Variants in EEFSEC observed in about 807,000 individuals in gnomAD.
EEFSEC encodes the protein selenocysteine-specific elongation factor.
EEFSEC carries 43 observed loss-of-function variants against 42.1 expected under a neutral mutation model. That is an observed-to-expected ratio of 1.02 (90% CI 0.80 to 1.32). EEFSEC has a LOEUF of 1.32. Among genes scored for constraint, EEFSEC ranks in the 40% most tolerant of loss-of-function variants. The pLI, the probability that EEFSEC is intolerant of heterozygous loss-of-function variation, is 0.00. For missense variants in EEFSEC, 745 were observed against 803.6 expected, an observed-to-expected ratio of 0.93 and a Z score of 0.88; for synonymous variants, 354 against 339.1, an observed-to-expected ratio of 1.04 and a Z score of -0.48.
chr3:128,322,987 A>G (rs56328893), intron 4 of EEFSEC, among the ~76,000 whole-genome samples: 20,911 of 152,160 alleles, frequency 0.14, 1,631 homozygotes, highest in African/African-American at 0.21. Context: ...GCATTTTCCC[A>G]TTCAGAGTAT....
chr3:128,272,348 G>A (rs2066423229), intron 4 of EEFSEC, among the ~76,000 whole-genome samples: 1 of 152,176 alleles, frequency 6.6e-6, no homozygotes, highest in Non-Finnish European at 1.5e-5. Context: ...TAGGGGTTTG[G>A]GGAAAAGCTT....
chr3:128,345,096 G>A (rs922614509), intron 5 of EEFSEC, among the ~76,000 whole-genome samples: 4 of 152,214 alleles, frequency 2.6e-5, no homozygotes, highest in Non-Finnish European at 4.4e-5. Flanking sequence ...ACCTGCTAGT[G>A]TGAAAAGTTG....
chr3:128,193,372 C>T (rs929289630), intron 1 of EEFSEC, among the ~76,000 whole-genome samples: 2 of 152,204 alleles, frequency 1.3e-5, no homozygotes, highest in African/African-American at 2.4e-5. Flanking sequence ...GAGGGTGTTG[C>T]TCTCTGCAGA....
intron 6 of EEFSEC, among the ~76,000 whole-genome samples, chr3:128,392,042 T>C (rs2067919512): frequency 6.6e-6 from 1 of 152,212 alleles, no homozygotes; most frequent in Non-Finnish European, 1.5e-5. Context: ...TTTGCTCCTC[T>C]TCACCCAGTT....
the EEFSEC span, among the ~76,000 whole-genome samples, chr3:128,416,024 G>T: frequency 6.6e-6 from 1 of 152,224 alleles, no homozygotes; most frequent in Non-Finnish European, 1.5e-5. Context: ...GGGTCTGGGT[G>T]CCTGTGTGGA....
intron 4 of EEFSEC, among the ~76,000 whole-genome samples, chr3:128,323,064 A>G (rs1012249198): frequency 6.6e-5 from 10 of 152,190 alleles, no homozygotes; most frequent in Non-Finnish European, 1.2e-4. Flanking sequence ...AAGATATTTA[A>G]TATTGACACC....
At chr3:128,391,927 G>A (rs729847) in intron 6 of EEFSEC, among the ~76,000 whole-genome samples, 48,929 of 152,084 alleles carry the variant, frequency 0.32, 8,724 homozygotes, top group African/African-American at 0.46. Flanking sequence ...TGCCCTGTGG[G>A]GGCCATTGGA....
intron 2 of EEFSEC, among the ~76,000 whole-genome samples, chr3:128,247,539 G>C (rs181954675): frequency 2.0e-5 from 3 of 152,226 alleles, no homozygotes; most frequent in Admixed American, 2.0e-4. Context: ...TTCTGTTACA[G>C]AAGCTTGTAA....
At chr3:128,153,897 T>C in intron 1 of EEFSEC, 74 bp downstream of exon 1, 1 of 1,426,686 alleles carries the variant, frequency 7.0e-7, no homozygotes, top group Non-Finnish European at 9.1e-7. Flanking sequence ...CCGAATTCGC[T>C]CGAGCCTTTG....
chr3:128,319,898 ACGCTCAGTTCTGCCG>A (rs2066988592), intron 4 of EEFSEC, among the ~76,000 whole-genome samples: 1 of 152,326 alleles, frequency 6.6e-6, no homozygotes, highest in East Asian at 1.9e-4. Context: ...CTCTGCAGAC[ACGCTCAGTTCTGCCG>A]CTGGCCCCTG....
rs769768061 is a variant in EEFSEC, at chr3:128,358,340, G to A, written c.1567G>A (p.Gly523Ser). 1.6e-5 allele frequency: 26 copies of A among 1,614,126 alleles called. No homozygotes were observed. The highest frequency in any genetic ancestry group is 1.5e-4 in the African/African-American group (11 of 74,950). Residue 523 changes from glycine (G) to serine (S), a missense_variant, in exon 6 of 7, where the codon GGC (glycine) becomes AGC (serine). Physicochemically the swap from Gly to Ser is moderately conservative, Grantham distance 56. Transcript: ENST00000254730. Reference protein sequence around the residue: ...GELGIIDSAFGQSGKFKIHIP... With the variant: ...GELGIIDSAFSQSGKFKIHIP... ...ACTGGGCATCATCGACAGTGCCTTC[G>A]GCCAGAGCGGCAAGTTCAAGATCCA...
intron 5 of EEFSEC, among the ~76,000 whole-genome samples, chr3:128,344,631 A>T (rs1340450567): frequency 6.6e-6 from 1 of 152,166 alleles, no homozygotes; most frequent in East Asian, 1.9e-4. Context: ...ATTCTTGCCC[A>T]GTGTGTCAAA....
At chr3:128,257,257 C>T (rs566724488) in intron 2 of EEFSEC, among the ~76,000 whole-genome samples, 28 of 152,302 alleles carry the variant, frequency 1.8e-4, no homozygotes, top group Admixed American at 3.3e-4. Context: ...TGGAGGTGCT[C>T]TCTAGTAAGA....
intron 1 of EEFSEC, among the ~76,000 whole-genome samples, chr3:128,170,961 T>C (rs2065289983): frequency 6.6e-6 from 1 of 152,202 alleles, no homozygotes; most frequent in South Asian, 2.1e-4. Context: ...CATAAGGCAA[T>C]CTGGGGACAC....
rs375445152 is a variant in EEFSEC at position 128,341,271 on chromosome 3, G to A, written c.825G>A (p.Met275Ile). ...TGAAGTCCATGCAGATGTTCCACAT[G>A]CCCATCACTTCAGCCATGCAAGGAG... ...KKVKSMQMFHMPITSAMQGDR... is the reference protein window; with the variant it reads ...KKVKSMQMFHIPITSAMQGDR... The change falls in exon 5 of 7, where the codon ATG becomes ATA. Residue 275 changes from methionine to isoleucine, a missense_variant. Coordinates refer to ENST00000254730, the MANE Select transcript of EEFSEC (RefSeq NM_021937.5). 8 of 1,613,392 alleles carry A rather than the reference G, an allele frequency of 5.0e-6. No individual in the cohort carries two copies. Among genetic ancestry groups the A allele is most frequent in the African/African-American group, 4.0e-5 (3 of 74,934 alleles).
Position 128,264,615 on chromosome 3 carries a change from A to G in EEFSEC, c.622-2A>G, listed in dbSNP as rs2066332684. ...ACTGTGGCACCAGTTTCTCTTTTCT[A>G]GCTCCTGACGTCCCAGATTTCCATC... On this transcript the variant is annotated splice_acceptor_variant, in intron 3 of 6. Transcript: ENST00000254730. LOFTEE classifies it high-confidence loss of function. The G allele has an allele frequency of 1.2e-6, 2 of 1,612,868 alleles. No homozygotes were observed. Among genetic ancestry groups the G allele is most frequent in the East Asian group, 2.2e-5 (1 of 44,858 alleles).
At chr3:128,332,010 C>T (rs2067138928) in intron 4 of EEFSEC, among the ~76,000 whole-genome samples, 2 of 152,198 alleles carry the variant, frequency 1.3e-5, no homozygotes, top group South Asian at 4.2e-4. Flanking sequence ...TGAAATCATT[C>T]TAGTAGTATA....
intron 6 of EEFSEC, among the ~76,000 whole-genome samples, chr3:128,395,523 T>C (rs996204893): frequency 2.6e-5 from 4 of 152,172 alleles, no homozygotes; most frequent in Non-Finnish European, 5.9e-5. Context: ...CATCCAAGTC[T>C]CCCTCTATCT....
intron 4 of EEFSEC, among the ~76,000 whole-genome samples, chr3:128,338,165 T>C (rs887162476): frequency 3.3e-5 from 5 of 152,326 alleles, no homozygotes; most frequent in African/African-American, 1.2e-4. Flanking sequence ...CAGAAACTTA[T>C]ACAACAAAGC....
Sources: allele counts gnomAD v4.1 joint callset (sites outside exome capture counted in the v4.1 genomes callset), GRCh38; gene constraint gnomAD v4.1.1; transcripts MANE v1.5; gene names NCBI Gene and HGNC (gene_info 2026-07-23, HGNC 2026-07-21).